Variants in KCNIP4 observed in about 807,000 individuals in gnomAD.
The protein encoded by KCNIP4 is Kv channel-interacting protein 4.
A neutral mutation model predicts 34.0 loss-of-function variants in KCNIP4; 12 were observed. The observed-to-expected ratio is 0.35, with a 90% CI of 0.23 to 0.57. The LOEUF is 0.57. Among genes scored for constraint, KCNIP4 ranks in the 20% least tolerant of loss-of-function variants. The pLI, the probability that KCNIP4 is intolerant of heterozygous loss-of-function variation, is 0.83. For missense variants in KCNIP4, 238 were observed against 311.7 expected, an observed-to-expected ratio of 0.76 and a Z score of 1.78; for synonymous variants, 124 against 102.2, an observed-to-expected ratio of 1.21 and a Z score of -1.29.
chr4:21,420,456 T>C (rs1560387872), intron 1 of KCNIP4, among the ~76,000 whole-genome samples: 2 of 152,182 alleles, frequency 1.3e-5, no homozygotes. Flanking sequence ...GATACATACA[T>C]CAGATAAATC....
intron 1 of KCNIP4, among the ~76,000 whole-genome samples, chr4:21,867,907 A>G (rs1725530055): frequency 6.6e-6 from 1 of 152,198 alleles, no homozygotes; most frequent in Non-Finnish European, 1.5e-5. Flanking sequence ...AGATGTCCAA[A>G]TGATCTTCAA....
intron 1 of KCNIP4, among the ~76,000 whole-genome samples, chr4:21,567,027 AC>A (rs1243589033): frequency 6.6e-6 from 1 of 152,162 alleles, no homozygotes; most frequent in Non-Finnish European, 1.5e-5. Context: ...AATACCGAAA[AC>A]TGTTATTTCC....
intron 1 of KCNIP4, among the ~76,000 whole-genome samples, chr4:20,914,014 A>G (rs1376035444): frequency 6.6e-6 from 1 of 151,980 alleles, no homozygotes; most frequent in African/African-American, 2.4e-5. Context: ...AAAATTAGCC[A>G]GGTGTGGTGG....
intron 1 of KCNIP4, among the ~76,000 whole-genome samples, chr4:21,012,965 A>C (rs905201807): frequency 1.3e-5 from 2 of 152,200 alleles, no homozygotes; most frequent in Non-Finnish European, 2.9e-5. Context: ...AATCCTGAGA[A>C]TTACAGTAAT....
intron 3 of KCNIP4, among the ~76,000 whole-genome samples, chr4:20,784,939 G>A (rs984081287): frequency 3.3e-5 from 5 of 152,098 alleles, no homozygotes; most frequent in Non-Finnish European, 5.9e-5. Flanking sequence ...ATAAGGGAAG[G>A]GCATTCCCCC....
intron 1 of KCNIP4, among the ~76,000 whole-genome samples, chr4:21,398,322 T>G (rs190069759): frequency 6.6e-6 from 1 of 152,306 alleles, no homozygotes; most frequent in African/African-American, 2.4e-5. Context: ...ACGTTAAAAT[T>G]GAACTTAATT....
intron 1 of KCNIP4, among the ~76,000 whole-genome samples, chr4:21,368,369 A>T (rs180761393): frequency 6.8e-6 from 1 of 147,386 alleles, no homozygotes; most frequent in Admixed American, 6.6e-5. Flanking sequence ...TGATTTAGAA[A>T]ATCGTATCTA....
At chr4:21,421,163 G>A (rs1725420633) in intron 1 of KCNIP4, among the ~76,000 whole-genome samples, 1 of 152,122 alleles carries the variant, frequency 6.6e-6, no homozygotes, top group Admixed American at 6.5e-5. Flanking sequence ...GTAGAGAAGA[G>A]GGAACACTTG....
intron 1 of KCNIP4, among the ~76,000 whole-genome samples, chr4:21,719,977 A>AAGAAG (rs4054770): frequency 7.5e-6 from 1 of 133,520 alleles, no homozygotes; most frequent in Non-Finnish European, 1.6e-5. Flanking sequence ...AAAAAAAAAA[A>AAGAAG]AAGAAGAAGA....
chr4:21,134,966 G>T (rs1487965920), intron 1 of KCNIP4, among the ~76,000 whole-genome samples: 2 of 152,204 alleles, frequency 1.3e-5, no homozygotes, highest in Non-Finnish European at 2.9e-5. Flanking sequence ...AGACAAGGCT[G>T]CAAGGAAAGG....
chr4:21,429,323 ATT>A (rs144570578), intron 1 of KCNIP4, among the ~76,000 whole-genome samples: 1 of 151,008 alleles, frequency 6.6e-6, no homozygotes, highest in African/African-American at 2.4e-5. Flanking sequence ...TTGATAACTC[ATT>A]TTTTTTTAGC....
At chr4:21,778,441 C>T (rs1350111416) in intron 1 of KCNIP4, among the ~76,000 whole-genome samples, 1 of 151,658 alleles carries the variant, frequency 6.6e-6, no homozygotes, top group Non-Finnish European at 1.5e-5. Context: ...CATCATGTTA[C>T]CCAGGCTGGT....
chr4:21,654,881 G>A (rs1045451788), intron 1 of KCNIP4, among the ~76,000 whole-genome samples: 14 of 151,848 alleles, frequency 9.2e-5, no homozygotes, highest in African/African-American at 2.7e-4. Flanking sequence ...CAGAGATCGC[G>A]CCACTGCACT....
intron 1 of KCNIP4, among the ~76,000 whole-genome samples, chr4:21,401,355 G>A (rs1723542789): frequency 6.6e-6 from 1 of 152,166 alleles, no homozygotes; most frequent in South Asian, 2.1e-4. Flanking sequence ...AAGGAATGAC[G>A]ATTTGTGAAG....
intron 1 of KCNIP4, among the ~76,000 whole-genome samples, chr4:21,428,675 A>G (rs1451487642): frequency 6.6e-6 from 1 of 152,210 alleles, no homozygotes; most frequent in Non-Finnish European, 1.5e-5. Flanking sequence ...GACTAGCCAC[A>G]AGGAAAGATG....
At chr4:21,414,867 T>C (rs960935862) in intron 1 of KCNIP4, among the ~76,000 whole-genome samples, 10 of 152,204 alleles carry the variant, frequency 6.6e-5, no homozygotes, top group South Asian at 2.1e-4. Flanking sequence ...ATGAGATATT[T>C]TGATACGGGC....
chr4:21,255,415 A>G (rs1450738670), intron 1 of KCNIP4, among the ~76,000 whole-genome samples: 2 of 151,882 alleles, frequency 1.3e-5, no homozygotes, highest in East Asian at 3.9e-4. Flanking sequence ...TCTCCTCCCA[A>G]TGCTGCTCTC....
At chr4:21,602,768 G>C (rs193039971) in intron 1 of KCNIP4, among the ~76,000 whole-genome samples, 1 of 151,956 alleles carries the variant, frequency 6.6e-6, no homozygotes, top group Admixed American at 6.6e-5. Context: ...TAAATTGATA[G>C]GTTCAGAATA....
intron 1 of KCNIP4, among the ~76,000 whole-genome samples, chr4:21,329,804 G>T (rs1715442524): frequency 6.6e-6 from 1 of 152,142 alleles, no homozygotes; most frequent in African/African-American, 2.4e-5. Context: ...GTGACAGACT[G>T]GGATAATTAT....
Sources: allele counts gnomAD v4.1 joint callset (sites outside exome capture counted in the v4.1 genomes callset), GRCh38; gene constraint gnomAD v4.1.1; transcripts MANE v1.5; gene names NCBI Gene and HGNC (gene_info 2026-07-23, HGNC 2026-07-21).